The following LUZP2 variants were observed in gnomAD, a reference collection of about 807,000 sequenced individuals.
LUZP2 encodes the protein leucine zipper protein 2.
Under a neutral mutation model 51.6 loss-of-function variants are expected in LUZP2, and 52 were observed. That is an observed-to-expected ratio of 1.01 (90% CI 0.81 to 1.27). LUZP2 has a LOEUF of 1.27. Among genes scored for constraint, LUZP2 ranks in the 50% most tolerant of loss-of-function variants. The pLI is 0.00. For missense variants in LUZP2, 436 were observed against 395.4 expected (o/e 1.10, Z -0.87); for synonymous variants, 154 against 137.3 (o/e 1.12, Z -0.85).
At chr11:24,648,949 T>G (rs72880686) in intron 1 of LUZP2, among the ~76,000 whole-genome samples, 6,927 of 152,064 alleles carry the variant, frequency 0.046, 250 homozygotes, top group South Asian at 0.11. Context: ...CAGTAAGGAA[T>G]TAATTTTCAG....
chr11:24,997,637 G>C (rs911659536), intron 9 of LUZP2, among the ~76,000 whole-genome samples: 2 of 151,886 alleles, frequency 1.3e-5, no homozygotes, highest in Non-Finnish European at 2.9e-5. Context: ...GATCCCATTT[G>C]TCAATTTTGG....
At chr11:25,016,344 A>C (rs1036203367) in intron 9 of LUZP2, among the ~76,000 whole-genome samples, 3 of 151,338 alleles carry the variant, frequency 2.0e-5, no homozygotes, top group Admixed American at 6.6e-5. Flanking sequence ...CCATTGTACC[A>C]CTCTCTATGC....
intron 5 of LUZP2, among the ~76,000 whole-genome samples, chr11:24,857,280 T>G (rs866390142): frequency 2.1e-5 from 2 of 94,990 alleles, no homozygotes; most frequent in African/African-American, 4.5e-5. Flanking sequence ...GGGATATATA[T>G]ATATATATAC....
intron 1 of LUZP2, among the ~76,000 whole-genome samples, chr11:24,571,420 T>C (rs911420206): frequency 6.6e-6 from 1 of 152,164 alleles, no homozygotes; most frequent in African/African-American, 2.4e-5. Flanking sequence ...TAAATATTAG[T>C]ATATTTATAT....
intron 9 of LUZP2, among the ~76,000 whole-genome samples, chr11:24,984,230 T>C (rs968277707): frequency 6.6e-6 from 1 of 151,552 alleles, no homozygotes. Context: ...AAATACCTAA[T>C]GATGTGTTAC....
intron 1 of LUZP2, among the ~76,000 whole-genome samples, chr11:24,685,540 C>A (rs190891420): frequency 2.2e-4 from 33 of 152,234 alleles, no homozygotes; most frequent in Admixed American, 7.9e-4. Flanking sequence ...ACAAGGTGAA[C>A]ATTTACTCCT....
chr11:24,926,594 T>C (rs1490899958), intron 7 of LUZP2, among the ~76,000 whole-genome samples: 4 of 147,762 alleles, frequency 2.7e-5, no homozygotes, highest in African/African-American at 5.0e-5. Flanking sequence ...TATGTGTGTA[T>C]ATATATGTGT....
At chr11:24,524,941 A>T (rs1390675070) in intron 1 of LUZP2, among the ~76,000 whole-genome samples, 2 of 151,678 alleles carry the variant, frequency 1.3e-5, no homozygotes, top group Non-Finnish European at 3.0e-5. Context: ...ACTACCTGAG[A>T]CAGGCTAGGA....
Position 24,888,891 on chromosome 11 carries a change from A to T in LUZP2, c.397-17100A>T, listed in dbSNP as rs573582183. On this transcript the variant is annotated intron_variant, in intron 5 of 11. Transcript: ENST00000336930. ...ACCGCTCCTTCCTGCCTCCTTGTGAAGAAGGTGCCTTGCTTCCCCTTCATC... is the reference window on the plus strand; with the variant it reads ...ACCGCTCCTTCCTGCCTCCTTGTGATGAAGGTGCCTTGCTTCCCCTTCATC... Among the ~76,000 whole-genome samples the T allele has an allele frequency of 1.1e-4, 16 of 152,230 alleles. No homozygotes were observed. In the South Asian group the frequency reaches 3.3e-3, roughly 32 times the overall value.
At chr11:24,658,185 C>T (rs1455146298) in intron 1 of LUZP2, among the ~76,000 whole-genome samples, 1 of 152,140 alleles carries the variant, frequency 6.6e-6, no homozygotes, top group Non-Finnish European at 1.5e-5. Context: ...TGCTACAAGG[C>T]TACAGTAACC....
At chr11:24,616,600 A>G (rs1405807319) in intron 1 of LUZP2, among the ~76,000 whole-genome samples, 3 of 152,048 alleles carry the variant, frequency 2.0e-5, no homozygotes, top group African/African-American at 7.2e-5. Context: ...CTTTGTCAAA[A>G]TGCAGTTGGA....
intron 4 of LUZP2, among the ~76,000 whole-genome samples, chr11:24,740,519 T>A (rs141086626): frequency 6.6e-6 from 1 of 152,276 alleles, no homozygotes; most frequent in Non-Finnish European, 1.5e-5. Flanking sequence ...TAATATGTGC[T>A]TCAGAGTAAG....
At chr11:24,572,703 G>T (rs1346714874) in intron 1 of LUZP2, among the ~76,000 whole-genome samples, 1 of 151,966 alleles carries the variant, frequency 6.6e-6, no homozygotes. Flanking sequence ...AGGGATTTTG[G>T]ATTATAATAT....
In LUZP2 at chr11:24,680,628, T is replaced by G. The variant is rs374505325; in HGVS notation, c.63-48541T>G. On this transcript the variant is annotated intron_variant, in intron 1 of 11. Transcript: ENST00000336930. ...ATTTCTTCATTGTGATTGGAGATAA[T>G]TAGCAGGAAAAATTTTGGTGTGGGG... Among the ~76,000 whole-genome samples the G allele has an allele frequency of 2.6e-5, 4 of 152,200 alleles. No individual in the cohort carries two copies. The East Asian group carries it at 5.8e-4, about 22-fold the overall frequency.
intron 7 of LUZP2, among the ~76,000 whole-genome samples, chr11:24,952,723 T>C (rs1476809613): frequency 6.6e-6 from 1 of 151,946 alleles, no homozygotes; most frequent in African/African-American, 2.4e-5. Flanking sequence ...ATCTAAAAAG[T>C]AAGGAAAATA....
chr11:24,608,092 G>A (rs61566687), intron 1 of LUZP2, among the ~76,000 whole-genome samples: 6 of 151,960 alleles, frequency 3.9e-5, no homozygotes, highest in Non-Finnish European at 7.4e-5. Context: ...CTCATGATCC[G>A]CCCACCTCGG....
chr11:24,505,857 C>T (rs895435293), intron 1 of LUZP2, among the ~76,000 whole-genome samples: 3 of 151,982 alleles, frequency 2.0e-5, no homozygotes, highest in Non-Finnish European at 4.4e-5. Flanking sequence ...TACCTGACCT[C>T]GTTTCTATCT....
chr11:24,847,012 A>G (rs991507667), intron 5 of LUZP2, among the ~76,000 whole-genome samples: 2 of 151,790 alleles, frequency 1.3e-5, no homozygotes, highest in Admixed American at 6.6e-5. Flanking sequence ...CTCCATATAT[A>G]TGCATACATA....
At chr11:24,956,609 G>T (rs745901227) in intron 7 of LUZP2, among the ~76,000 whole-genome samples, 2 of 152,038 alleles carry the variant, frequency 1.3e-5, no homozygotes, top group African/African-American at 4.8e-5. Context: ...TTCTGTTCAC[G>T]GAAAACATGC....
Sources: allele counts gnomAD v4.1 joint callset (sites outside exome capture counted in the v4.1 genomes callset), GRCh38; gene constraint gnomAD v4.1.1; transcripts MANE v1.5; gene names NCBI Gene and HGNC (gene_info 2026-07-23, HGNC 2026-07-21).